The following PCDHA11 variants were observed in gnomAD, a reference collection of about 807,000 sequenced individuals.
PCDHA11 encodes the protein protocadherin alpha 11, also known as protocadherin alpha-11.
A neutral mutation model predicts 70.3 loss-of-function variants in PCDHA11; 61 were observed. The ratio of observed to expected loss-of-function variants is 0.87; its 90% CI spans 0.71 to 1.07. The LOEUF (loss-of-function observed/expected upper bound fraction) is 1.07. PCDHA11 is among the 50% of genes least tolerant of loss of function. The pLI, the probability that PCDHA11 is intolerant of heterozygous loss-of-function variation, is 0.00. For synonymous variants in PCDHA11, 633 were observed against 555.1 expected, an observed-to-expected ratio of 1.14 and a Z score of -1.97; for missense variants, 1,324 against 1,237.5, an observed-to-expected ratio of 1.07 and a Z score of -1.05.
intron 1 of PCDHA11, chr5:140,929,632 C>T: frequency 2.6e-6 from 1 of 387,580 alleles, no homozygotes; most frequent in Admixed American, 4.5e-5. Flanking sequence ...TTATAAGCAA[C>T]AGATGTGTAA....
At position 140,979,408 on chromosome 5, in the gene PCDHA11, G is replaced by GT. The variant is rs558051720; in HGVS notation, c.2450+411dup. Among the ~76,000 whole-genome samples the GT allele has an allele frequency of 3.0e-3, 447 of 147,714 alleles. 2 individuals carry two copies. Among genetic ancestry groups the GT allele is most frequent in the East Asian group, 0.02 (102 of 5,050 alleles). On this transcript the variant is annotated intron_variant, in intron 2 of 3. Coordinates refer to ENST00000398640, the MANE Select transcript of PCDHA11 (RefSeq NM_018902.5). ...TGTATACATACATGTTGTCTACCTT[G>GT]TTTTTTTTTTAATCTCACATTGGCT...
At chr5:140,887,059 C>G (rs1474485995) in intron 1 of PCDHA11, among the ~76,000 whole-genome samples, 1 of 151,642 alleles carries the variant, frequency 6.6e-6, no homozygotes, top group Non-Finnish European at 1.5e-5. Flanking sequence ...TATGTTCTGG[C>G]AACAAATTCA....
intron 1 of PCDHA11, among the ~76,000 whole-genome samples, chr5:140,953,351 C>G (rs1007094673): frequency 3.3e-5 from 5 of 152,122 alleles, no homozygotes; most frequent in Non-Finnish European, 5.9e-5. Context: ...TTCTTTTGTT[C>G]TGTGCACTCA....
chr5:140,882,331 C>T, intron 1 of PCDHA11: 3 of 1,614,214 alleles, frequency 1.9e-6, no homozygotes, highest in South Asian at 2.2e-5. Flanking sequence ...TTCTGATCCT[C>T]GCAGCCTGGG....
intron 1 of PCDHA11, among the ~76,000 whole-genome samples, chr5:140,963,588 A>G (rs1554226668): frequency 6.6e-6 from 1 of 152,218 alleles, no homozygotes; most frequent in African/African-American, 2.4e-5. Flanking sequence ...AATGTAGGAT[A>G]TAGTTCTAGA....
Position 140,869,760 on chromosome 5 carries a change from A to G in PCDHA11, c.657A>G (p.Lys219=). 1 of 1,613,206 alleles carries G rather than the reference A, an allele frequency of 6.2e-7. No homozygotes were observed. Among genetic ancestry groups the G allele is most frequent in the Non-Finnish European group, 8.5e-7 (1 of 1,179,744 alleles). Residue 219 remains lysine (K), a synonymous_variant, in exon 1 of 4, where the codon AAA becomes AAG. Coordinates refer to ENST00000398640, the MANE Select transcript of PCDHA11 (RefSeq NM_018902.5). ...TGCTAACAGCTACAGACGGGGGAAAACCAGAGCTTACTGGCACCGTTCGGC... is the reference window on the plus strand; with the variant it reads ...TGCTAACAGCTACAGACGGGGGAAAGCCAGAGCTTACTGGCACCGTTCGGC... ...NLLLTATDGG[K]PELTGTVRLL...
At chr5:140,938,336 A>G (rs1251086891) in intron 1 of PCDHA11, among the ~76,000 whole-genome samples, 1 of 152,204 alleles carries the variant, frequency 6.6e-6, no homozygotes, top group African/African-American at 2.4e-5. Context: ...ATGTTAATGG[A>G]TAATCTTGTC....
At chr5:141,006,181 G>A (rs960173277) in intron 3 of PCDHA11, among the ~76,000 whole-genome samples, 1 of 150,918 alleles carries the variant, frequency 6.6e-6, no homozygotes, top group Non-Finnish European at 1.5e-5. Flanking sequence ...TTTTAAAAGA[G>A]TTTGCTATAT....
intron 1 of PCDHA11, among the ~76,000 whole-genome samples, chr5:140,923,219 C>T (rs557006469): frequency 1.3e-5 from 2 of 152,094 alleles, no homozygotes; most frequent in East Asian, 1.9e-4. Context: ...GTGAAAGGAT[C>T]GTTTGAGCCC....
At chr5:141,004,412 A>G (rs2098165544) in intron 3 of PCDHA11, among the ~76,000 whole-genome samples, 1 of 152,164 alleles carries the variant, frequency 6.6e-6, no homozygotes, top group South Asian at 2.1e-4. Flanking sequence ...ACCTGACTAG[A>G]TCTCTGCCTC....
chr5:140,929,540 G>A, intron 1 of PCDHA11: 1 of 549,498 alleles, frequency 1.8e-6, no homozygotes, highest in Admixed American at 4.2e-5. Context: ...GAGAAACAAG[G>A]GCAAAAATTA....
chr5:140,954,638 T>C (rs1297767818), intron 1 of PCDHA11, among the ~76,000 whole-genome samples: 2 of 152,212 alleles, frequency 1.3e-5, no homozygotes, highest in Non-Finnish European at 2.9e-5. Flanking sequence ...TTCTTGTAAA[T>C]TTGTTTAAGT....
intron 1 of PCDHA11, among the ~76,000 whole-genome samples, chr5:140,942,544 G>T (rs546340510): frequency 1.6e-4 from 24 of 152,000 alleles, no homozygotes; most frequent in Non-Finnish European, 2.9e-4. Context: ...TATGGTGGGG[G>T]GTAGGGGGTT....
At chr5:140,936,080 A>C (rs1252008478) in intron 1 of PCDHA11, among the ~76,000 whole-genome samples, 2 of 152,004 alleles carry the variant, frequency 1.3e-5, no homozygotes, top group African/African-American at 4.8e-5. Flanking sequence ...TTTAGTAGAG[A>C]CAGGGTTTCA....
chr5:140,910,142 A>T (rs535162246), intron 1 of PCDHA11, among the ~76,000 whole-genome samples: 1 of 152,326 alleles, frequency 6.6e-6, no homozygotes, highest in South Asian at 2.1e-4. Context: ...TTAAGTCTGG[A>T]AATTGATTGA....
chr5:140,935,016 T>C (rs997789296), intron 1 of PCDHA11, among the ~76,000 whole-genome samples: 6 of 152,322 alleles, frequency 3.9e-5, no homozygotes, highest in Admixed American at 6.5e-5. Flanking sequence ...TGAGTCTTAA[T>C]AGTCTTTTGA....
At chr5:140,922,856 T>C (rs2081036799) in intron 1 of PCDHA11, among the ~76,000 whole-genome samples, 1 of 152,072 alleles carries the variant, frequency 6.6e-6, no homozygotes, top group Non-Finnish European at 1.5e-5. Context: ...ACCAAATACA[T>C]AGACAAGGGG....
chr5:140,904,613 T>C (rs1554191625), intron 1 of PCDHA11, among the ~76,000 whole-genome samples: 2 of 152,112 alleles, frequency 1.3e-5, no homozygotes, highest in African/African-American at 2.4e-5. Context: ...ATAGTAGTTT[T>C]ACTTTTAGTT....
chr5:140,990,427 AC>A (rs1488981685), intron 3 of PCDHA11, among the ~76,000 whole-genome samples: 5 of 152,174 alleles, frequency 3.3e-5, no homozygotes, highest in African/African-American at 1.2e-4. Flanking sequence ...ACCAGCATTG[AC>A]CCAATCTTGT....
Sources: gnomAD v4.1 joint callset for allele counts (sites outside exome capture counted in the v4.1 genomes callset) on GRCh38, gnomAD v4.1.1 for gene constraint, MANE v1.5 for transcripts, NCBI Gene and HGNC (gene_info 2026-07-23, HGNC 2026-07-21) for gene names.